The following AKAP6 variants were observed in gnomAD, a reference collection of about 807,000 sequenced individuals.
AKAP6 encodes the protein A-kinase anchoring protein 6.
A neutral mutation model predicts 188.5 loss-of-function variants in AKAP6; 58 were observed. That is an observed-to-expected ratio of 0.31 (90% CI 0.25 to 0.38). The LOEUF (loss-of-function observed/expected upper bound fraction) is 0.38, where lower values mean the gene tolerates loss of function less well. Among genes scored for constraint, AKAP6 ranks in the 10% least tolerant of loss-of-function variants. The pLI is 1.00. For synonymous variants in AKAP6, 989 were observed against 998.6 expected (o/e 0.99, Z 0.18); for missense variants, 2,710 against 2,740.0 (o/e 0.99, Z 0.24).
chr14:32,638,930 A>T (rs878995035), intron 7 of AKAP6, among the ~76,000 whole-genome samples: 10 of 152,232 alleles, frequency 6.6e-5, no homozygotes, highest in Non-Finnish European at 1.5e-4. Context: ...TATAGGGGAA[A>T]AACAAAGAAT....
chr14:32,538,435 G>A (rs902375326), intron 3 of AKAP6, among the ~76,000 whole-genome samples: 3 of 152,082 alleles, frequency 2.0e-5, no homozygotes, highest in African/African-American at 7.2e-5. Context: ...TTAAATTTCA[G>A]AGCCATATTA....
intron 11 of AKAP6, among the ~76,000 whole-genome samples, chr14:32,744,470 C>T (rs1483393560): frequency 6.6e-6 from 1 of 152,042 alleles, no homozygotes; most frequent in Non-Finnish European, 1.5e-5. Flanking sequence ...GCACCCGCCA[C>T]CACACCCAGC....
At chr14:32,566,661 A>T (rs1262240526) in intron 4 of AKAP6, among the ~76,000 whole-genome samples, 2 of 152,192 alleles carry the variant, frequency 1.3e-5, no homozygotes, top group Non-Finnish European at 2.9e-5. Flanking sequence ...TTCGAACAAA[A>T]AAAGGCAATT....
intron 7 of AKAP6, among the ~76,000 whole-genome samples, chr14:32,623,702 A>G (rs1886902376): frequency 6.6e-6 from 1 of 152,124 alleles, no homozygotes; most frequent in South Asian, 2.1e-4. Context: ...CTCAGAAGAG[A>G]GTGAGAGAAG....
chr14:32,540,457 T>G (rs553111671), intron 3 of AKAP6, among the ~76,000 whole-genome samples: 1 of 152,028 alleles, frequency 6.6e-6, no homozygotes, highest in South Asian at 2.1e-4. Flanking sequence ...CCTCATCCTC[T>G]CAAAGTGCTG....
At chr14:32,804,985 G>A (rs12897455) in intron 12 of AKAP6, among the ~76,000 whole-genome samples, 32,941 of 151,936 alleles carry the variant, frequency 0.22, 4,454 homozygotes, top group Non-Finnish European at 0.3. Flanking sequence ...CCTAAAAATC[G>A]CTGTTATTCT....
intron 1 of AKAP6, among the ~76,000 whole-genome samples, chr14:32,373,098 G>A (rs374844524): frequency 2.6e-5 from 4 of 151,428 alleles, no homozygotes; most frequent in Middle Eastern, 6.8e-3. Context: ...TGGCTTTTTT[G>A]GGGGGGTGGG....
chr14:32,743,545 T>C (rs1179221559), intron 11 of AKAP6, among the ~76,000 whole-genome samples: 2 of 152,224 alleles, frequency 1.3e-5, no homozygotes, highest in Non-Finnish European at 2.9e-5. Flanking sequence ...TGTGTGTTTT[T>C]TGGTTTGAGG....
chr14:32,797,030 C>A (rs1247892233), intron 12 of AKAP6, among the ~76,000 whole-genome samples: 2 of 152,162 alleles, frequency 1.3e-5, no homozygotes, highest in Non-Finnish European at 2.9e-5. Flanking sequence ...ATGAAAAAAG[C>A]TCAACATCAC....
chr14:32,506,562 G>A, intron 2 of AKAP6, among the ~76,000 whole-genome samples: 1 of 152,132 alleles, frequency 6.6e-6, no homozygotes, highest in Non-Finnish European at 1.5e-5. Context: ...TGGCTTTTGG[G>A]TTGGGTGTCA....
intron 8 of AKAP6, among the ~76,000 whole-genome samples, chr14:32,694,162 C>A (rs1457156367): frequency 6.6e-6 from 1 of 151,964 alleles, no homozygotes; most frequent in African/African-American, 2.4e-5. Context: ...GAGATCGACA[C>A]CATCCTGGCT....
chr14:32,441,988 C>G (rs1416025597), intron 2 of AKAP6, among the ~76,000 whole-genome samples: 5 of 152,118 alleles, frequency 3.3e-5, no homozygotes, highest in African/African-American at 1.2e-4. Context: ...TCTCACTGAA[C>G]AACAATAGCT....
At chr14:32,644,755 C>T (rs1372539578) in intron 7 of AKAP6, among the ~76,000 whole-genome samples, 2 of 152,030 alleles carry the variant, frequency 1.3e-5, no homozygotes, top group African/African-American at 4.8e-5. Flanking sequence ...GAAATGTCTG[C>T]ATTTCTCTAA....
intron 2 of AKAP6, among the ~76,000 whole-genome samples, chr14:32,480,624 A>G (rs183500681): frequency 2.0e-5 from 3 of 152,270 alleles, no homozygotes; most frequent in Admixed American, 1.3e-4. Flanking sequence ...TTAGAACCCA[A>G]AGTTTTTTAA....
At chr14:32,789,160 G>A (rs1009708103) in intron 12 of AKAP6, among the ~76,000 whole-genome samples, 1 of 152,168 alleles carries the variant, frequency 6.6e-6, no homozygotes, top group African/African-American at 2.4e-5. Flanking sequence ...CTCACAGGGT[G>A]GGATCTCCCT....
chr14:32,828,529 T>TCACACACACACACACA (rs55957852), intron 13 of AKAP6, among the ~76,000 whole-genome samples: 2 of 75,954 alleles, frequency 2.6e-5, no homozygotes, highest in African/African-American at 9.6e-5. Context: ...TCTCTCTCTC[T>TCACACACACACACACA]CACACACACA....
chr14:32,438,348 G>A (rs539231613), intron 2 of AKAP6, among the ~76,000 whole-genome samples: 2 of 151,990 alleles, frequency 1.3e-5, no homozygotes, highest in East Asian at 1.9e-4. Flanking sequence ...TAATGATTTC[G>A]GTTAATAAGC....
chr14:32,565,827 A>G (rs960546161), intron 4 of AKAP6, among the ~76,000 whole-genome samples: 3 of 152,196 alleles, frequency 2.0e-5, no homozygotes, highest in African/African-American at 7.2e-5. Context: ...TCTCAGAATA[A>G]GCTGTTCTCT....
At chr14:32,605,576 A>T (rs575525630) in intron 7 of AKAP6, among the ~76,000 whole-genome samples, 1 of 152,306 alleles carries the variant, frequency 6.6e-6, no homozygotes, top group South Asian at 2.1e-4. Flanking sequence ...AAACCTGAAC[A>T]TATTGTTTAA....
Sources: gnomAD v4.1 joint callset for allele counts (sites outside exome capture counted in the v4.1 genomes callset) on GRCh38, gnomAD v4.1.1 for gene constraint, MANE v1.5 for transcripts, NCBI Gene and HGNC (gene_info 2026-07-23, HGNC 2026-07-21) for gene names.